BANK1: variants seen among roughly 807,000 people sequenced by gnomAD.
The protein encoded by BANK1 is B-cell scaffold protein with ankyrin repeats.
A neutral mutation model predicts 94.5 loss-of-function variants in BANK1; 95 were observed. The observed-to-expected ratio is 1.00, with a 90% CI of 0.85 to 1.19. The LOEUF (loss-of-function observed/expected upper bound fraction) is 1.19, where lower values mean the gene tolerates loss of function less well. Among genes scored for constraint, BANK1 ranks in the 50% most tolerant of loss-of-function variants. The probability of loss-of-function intolerance (pLI) is 0.00; values close to 1 mark genes in which losing one functional copy is unlikely to be tolerated. For synonymous variants in BANK1, 334 were observed against 308.4 expected (o/e 1.08, Z -0.87); for missense variants, 987 against 932.2 (o/e 1.06, Z -0.77).
At chr4:101,829,318 C>A (rs1020319593) in intron 1 of BANK1, among the ~76,000 whole-genome samples, 1 of 151,972 alleles carries the variant, frequency 6.6e-6, no homozygotes, top group Non-Finnish European at 1.5e-5. Context: ...TCTTCTACGT[C>A]AGGCTTTTGG....
intron 5 of BANK1, among the ~76,000 whole-genome samples, chr4:101,892,803 C>T (rs180678953): frequency 6.6e-6 from 1 of 151,982 alleles, no homozygotes; most frequent in African/African-American, 2.4e-5. Context: ...TAATTTATGT[C>T]ATTTTAAAAT....
At chr4:102,007,743 A>G (rs1040618363) in intron 7 of BANK1, among the ~76,000 whole-genome samples, 2 of 152,130 alleles carry the variant, frequency 1.3e-5, no homozygotes, top group Non-Finnish European at 2.9e-5. Flanking sequence ...AATTTTCTAT[A>G]TTTCTATTGA....
At position 102,068,130 on chromosome 4, in the gene BANK1, T is replaced by C. The variant is rs554526990; in HGVS notation, c.2213-3145T>C. On this transcript the variant is annotated intron_variant, in intron 13 of 16. Coordinates refer to ENST00000322953, the MANE Select transcript of BANK1 (RefSeq NM_017935.5). ...TAAGAAAGTATTTCAACCTGAATAA[T>C]AATGAAAAAATATCAAAATTTGTGA... is the stretch of plus-strand genomic sequence containing the variant. Among the ~76,000 whole-genome samples, 13 of 152,122 alleles carry C rather than the reference T, an allele frequency of 8.5e-5. No individual in the cohort carries two copies. In the South Asian group the frequency reaches 2.5e-3, roughly 29 times the overall value.
intron 6 of BANK1, among the ~76,000 whole-genome samples, chr4:101,900,644 G>T (rs965574746): frequency 6.6e-6 from 1 of 152,156 alleles, no homozygotes; most frequent in African/African-American, 2.4e-5. Context: ...ACGGGTCTGT[G>T]TGTAACTAAA....
chr4:101,989,527 A>G (rs1725629810), intron 7 of BANK1, among the ~76,000 whole-genome samples: 1 of 151,954 alleles, frequency 6.6e-6, no homozygotes, highest in Admixed American at 6.6e-5. Context: ...AATCTAAAGA[A>G]CTTATTTCAA....
At chr4:101,822,801 G>C (rs1318624114) in intron 1 of BANK1, among the ~76,000 whole-genome samples, 1 of 151,934 alleles carries the variant, frequency 6.6e-6, no homozygotes, top group Non-Finnish European at 1.5e-5. Flanking sequence ...ATTTTTAGTA[G>C]AGGCGGGGTT....
chr4:101,855,312 C>G, intron 3 of BANK1, 123 bp downstream of exon 3: 1 of 861,038 alleles, frequency 1.2e-6, no homozygotes, highest in South Asian at 3.0e-5. Flanking sequence ...CTCCTGGCCT[C>G]AAGAGATCCT....
intron 7 of BANK1, among the ~76,000 whole-genome samples, chr4:101,994,084 A>G (rs1470209874): frequency 6.6e-6 from 1 of 152,216 alleles, no homozygotes; most frequent in Non-Finnish European, 1.5e-5. Flanking sequence ...GAGATGGAGC[A>G]TTTGGACTAA....
intron 11 of BANK1, among the ~76,000 whole-genome samples, chr4:102,057,380 T>C (rs921598560): frequency 3.6e-5 from 3 of 82,560 alleles, no homozygotes; most frequent in African/African-American, 1.9e-4. Context: ...TTTTTTTTCT[T>C]AAGCAAGGTC....
intron 7 of BANK1, among the ~76,000 whole-genome samples, chr4:101,937,555 A>ATGCCG (rs1723610386): frequency 6.6e-6 from 1 of 151,946 alleles, no homozygotes; most frequent in African/African-American, 2.4e-5. Context: ...ATCTCATGCC[A>ATGCCG]GTTAGAATGG....
At chr4:102,015,180 A>G (rs537433134) in intron 7 of BANK1, among the ~76,000 whole-genome samples, 3 of 151,886 alleles carry the variant, frequency 2.0e-5, no homozygotes, top group Non-Finnish European at 2.9e-5. Context: ...GCTTATTTAA[A>G]TTTTTTTTAA....
intron 7 of BANK1, among the ~76,000 whole-genome samples, chr4:101,928,218 T>C (rs1723227641): frequency 6.6e-6 from 1 of 151,644 alleles, no homozygotes. Flanking sequence ...TTCTGATGAA[T>C]ATTTTGCTCT....
chr4:102,020,658 T>C (rs558206757), intron 7 of BANK1, among the ~76,000 whole-genome samples: 60 of 152,276 alleles, frequency 3.9e-4, no homozygotes, highest in African/African-American at 1.4e-3. Context: ...TGCTTTAATA[T>C]GGATGCTTCT....
chr4:101,845,634 T>C (rs1407828697), intron 2 of BANK1, among the ~76,000 whole-genome samples: 1 of 152,184 alleles, frequency 6.6e-6, no homozygotes, highest in East Asian at 1.9e-4. Flanking sequence ...TGACAACATA[T>C]AGCTGCCTCT....
chr4:102,006,931 G>A (rs1473556984), intron 7 of BANK1, among the ~76,000 whole-genome samples: 5 of 148,990 alleles, frequency 3.4e-5, no homozygotes, highest in Non-Finnish European at 7.4e-5. Flanking sequence ...AACTTGTTAT[G>A]TAAAAGAACA....
At chr4:101,876,069 G>A (rs1728479490) in intron 5 of BANK1, among the ~76,000 whole-genome samples, 1 of 152,130 alleles carries the variant, frequency 6.6e-6, no homozygotes, top group African/African-American at 2.4e-5. Flanking sequence ...CAGCTCAGCC[G>A]CAACAGGATA....
chr4:101,856,640 AT>A (rs35085507), intron 3 of BANK1, among the ~76,000 whole-genome samples: 2 of 152,110 alleles, frequency 1.3e-5, no homozygotes, highest in Admixed American at 6.6e-5. Flanking sequence ...CTCTTACTAA[AT>A]TTTCAAAGAA....
At chr4:101,965,352 A>C (rs1724717118) in intron 7 of BANK1, among the ~76,000 whole-genome samples, 1 of 148,108 alleles carries the variant, frequency 6.8e-6, no homozygotes, top group African/African-American at 2.5e-5. Flanking sequence ...AAAAAAAAAA[A>C]CAGTGACACA....
Position 101,920,718 on chromosome 4 carries a change from T to C in BANK1, c.1206+2529T>C, listed in dbSNP as rs116130011. Among the ~76,000 whole-genome samples, 595 of 152,122 alleles carry C rather than the reference T, an allele frequency of 3.9e-3. 3 individuals are homozygous for C. The highest frequency in any genetic ancestry group is 0.014 in the African/African-American group (562 of 41,552). On this transcript the variant is annotated intron_variant, in intron 7 of 16. Transcript: ENST00000322953. ...CTAACTAATTTACTGATTTGCTCAG[T>C]ACTTCCTAATCCCCCATCAATAAAA...
Sources: allele counts gnomAD v4.1 joint callset (sites outside exome capture counted in the v4.1 genomes callset), GRCh38; gene constraint gnomAD v4.1.1; transcripts MANE v1.5; gene names NCBI Gene and HGNC (gene_info 2026-07-23, HGNC 2026-07-21).